Variants in SETX observed in about 807,000 individuals in gnomAD.
The protein encoded by SETX is senataxin.
A neutral mutation model predicts 227.2 loss-of-function variants in SETX; 90 were observed. That is an observed-to-expected ratio of 0.40 (90% CI 0.33 to 0.47). The LOEUF (loss-of-function observed/expected upper bound fraction) is 0.47. Among genes scored for constraint, SETX ranks in the 20% least tolerant of loss-of-function variants. SETX has a pLI of 0.91. For missense variants in SETX, 3,052 were observed against 3,181.5 expected (o/e 0.96, Z 0.98); for synonymous variants, 1,210 against 1,113.2 (o/e 1.09, Z -1.73).
chr9:132,325,354 CA>C lies in SETX; in HGVS notation c.5274+969del, dbSNP rs962844125. On this transcript the variant is annotated intron_variant, in intron 10 of 25. Coordinates refer to ENST00000224140, the MANE Select transcript of SETX (RefSeq NM_015046.7). ...CTGGGCGACAGAGCGAGACTCGTCT[CA>C]AAAAAAAGAAAAAAGAAAAAAGAAA... Among the ~76,000 whole-genome samples, 245 of 149,448 alleles carry C rather than the reference CA, an allele frequency of 1.6e-3. 1 individual carries two copies. Among genetic ancestry groups the C allele is most frequent in the African/African-American group, 5.6e-3 (227 of 40,666 alleles).
intron 25 of SETX, among the ~76,000 whole-genome samples, chr9:132,266,917 T>C (rs1321944126): frequency 2.0e-5 from 3 of 152,216 alleles, no homozygotes; most frequent in African/African-American, 7.2e-5. Context: ...TGACTATGGA[T>C]TGGGAAGTGA....
chr9:132,342,933 C>T (rs550856513), intron 4 of SETX, 134 bp from the exon 5 acceptor site: 3 of 698,130 alleles, frequency 4.3e-6, no homozygotes, highest in Non-Finnish European at 5.0e-6. Flanking sequence ...CATAAAAATG[C>T]TTATATTGTA....
intron 11 of SETX, among the ~76,000 whole-genome samples, chr9:132,307,801 C>A (rs1367313420): frequency 1.3e-5 from 2 of 151,982 alleles, no homozygotes; most frequent in Non-Finnish European, 2.9e-5. Flanking sequence ...GCCCCGGCCT[C>A]CCTAGTAGCT....
Position 132,328,159 on chromosome 9 carries a change from T to A in SETX, c.3439A>T (p.Ile1147Phe). 3 of 1,614,196 alleles carry A rather than the reference T, an allele frequency of 1.9e-6. No homozygotes were observed. Among genetic ancestry groups the A allele is most frequent in the Non-Finnish European group, 2.5e-6 (3 of 1,180,036 alleles). ...GIEEHTRPRS[I>F]SVEEFCEIEV... Reference sequence around the variant, plus strand: ...ATTTCACAAAATTCTTCAACAGAAATACTCCGTGGTCTTGTGTGTTCTTCA... The same window carrying A: ...ATTTCACAAAATTCTTCAACAGAAAAACTCCGTGGTCTTGTGTGTTCTTCA... Residue 1147 changes from isoleucine to phenylalanine, a missense_variant, in exon 10 of 26, where the codon ATT (isoleucine) becomes TTT (phenylalanine). By Grantham distance (21) the Ile-to-Phe change is conservative. Coordinates refer to ENST00000224140, the MANE Select transcript of SETX (RefSeq NM_015046.7).
At chr9:132,337,946 G>C (rs1249157467) in intron 5 of SETX, among the ~76,000 whole-genome samples, 1 of 152,176 alleles carries the variant, frequency 6.6e-6, no homozygotes, top group Non-Finnish European at 1.5e-5. Flanking sequence ...ATCACCATGA[G>C]TTGCAAAGGA....
In SETX at chr9:132,263,989, A is replaced by G; in HGVS notation, c.*250T>C. The G allele has an allele frequency of 1.8e-6, 1 of 558,446 alleles. No individual in the cohort carries two copies. The highest frequency in any genetic ancestry group is 3.2e-6 in the Non-Finnish European group (1 of 312,824). 34.6% of individuals were successfully genotyped at this position (558,446 alleles called of 1,614,324 possible). A position where few individuals can be genotyped will look rare whatever the true frequency, so the allele number is the denominator to read the frequency against. ...CTGACCTCCTTGTCTATAGAAGACT[A>G]AGAGATCAACATTTCCAGTCTCTGA... On this transcript the variant is annotated 3_prime_UTR_variant, in exon 26 of 26. Transcript: ENST00000224140.
At chr9:132,354,009 G>A (rs757649176) in intron 1 of SETX, among the ~76,000 whole-genome samples, 1 of 152,180 alleles carries the variant, frequency 6.6e-6, no homozygotes, top group Non-Finnish European at 1.5e-5. Context: ...ATTAGCCCGC[G>A]CAGGTAACAT....
At chr9:132,309,669 C>CAT (rs1216963198) in intron 11 of SETX, among the ~76,000 whole-genome samples, 1 of 151,806 alleles carries the variant, frequency 6.6e-6, no homozygotes, top group Non-Finnish European at 1.5e-5. Context: ...CACAAGACCC[C>CAT]ATCTCTATAT....
intron 10 of SETX, among the ~76,000 whole-genome samples, chr9:132,312,176 C>G (rs1194059279): frequency 6.6e-6 from 1 of 152,222 alleles, no homozygotes; most frequent in Non-Finnish European, 1.5e-5. Flanking sequence ...GCATTTCCAG[C>G]AGTGCATAAC....
rs530469492 is a variant in SETX at position 132,261,629 on chromosome 9, A to C, written c.*2610T>G. ...GTCAAAGCTATAGCAAAAAATTGCT[A>C]ATCTGCACAACTTTAAAAAATAGTT... On this transcript the variant is annotated 3_prime_UTR_variant, in exon 26 of 26. Transcript: ENST00000224140. 3.9e-5 allele frequency: 6 copies of C among 152,882 alleles called. No homozygotes were observed. Among genetic ancestry groups the C allele is most frequent in the African/African-American group, 9.6e-5 (4 of 41,470 alleles). The allele number at this position is 152,882 out of a possible 1,614,324, so 9.5% of individuals were successfully genotyped here.
At chr9:132,281,726 AC>A (rs1843525168) in intron 19 of SETX, 152 bp from the exon 20 acceptor site, 1 of 695,520 alleles carries the variant, frequency 1.4e-6, no homozygotes, top group South Asian at 1.6e-5. Context: ...AAACAAAAAA[AC>A]AAAACAAAAC....
Position 132,329,459 on chromosome 9 carries a change from C to T in SETX, c.2139G>A (p.Lys713=). ...DQIKISTRKQ[K]SVKEISSYTP... ...TATATGAAGAGATCTCTTTTACAGA[C>T]TTCTGCTTCCTTGTACTTATTTTAA... The change falls in exon 10 of 26, where the codon AAG becomes AAA. Residue 713 remains lysine, a synonymous_variant. Coordinates refer to ENST00000224140, the MANE Select transcript of SETX (RefSeq NM_015046.7). 1 of 1,612,684 alleles carries T rather than the reference C, an allele frequency of 6.2e-7. No individual in the cohort carries two copies. The highest frequency in any genetic ancestry group is 8.5e-7 in the Non-Finnish European group (1 of 1,179,870).
chr9:132,344,869 T>TAAA (rs10612492), intron 4 of SETX, among the ~76,000 whole-genome samples: 1 of 139,320 alleles, frequency 7.2e-6, no homozygotes. Context: ...TGAGACTCTT[T>TAAA]AAAAAAAAAA....
In SETX at chr9:132,301,082, A is replaced by T. The variant is rs113743500; in HGVS notation, c.5375-279T>A. Among the ~76,000 whole-genome samples, 233 of 140,216 alleles carry T rather than the reference A, an allele frequency of 1.7e-3. 2 individuals carry two copies. Among genetic ancestry groups the T allele is most frequent in the African/African-American group, 5.7e-3 (219 of 38,750 alleles). 92.0% of individuals were successfully genotyped at this position (140,216 alleles called of 152,430 possible). On this transcript the variant is annotated intron_variant, in intron 11 of 25. Transcript: ENST00000224140. Reference sequence around the variant, plus strand: ...AATAAATTTTCTTTCCTTTAGGTTTATTCTGCTTTTTTTTTTTTTTTTTTT... The same window carrying T: ...AATAAATTTTCTTTCCTTTAGGTTTTTTCTGCTTTTTTTTTTTTTTTTTTT...
In SETX at chr9:132,264,859, T is replaced by C; in HGVS notation, c.7414A>G (p.Ser2472Gly). ...ILKLKPVLQR[S>G]LTHPPTIAPE... The stretch of plus-strand genomic sequence containing the variant: ...GCTATGGTAGGAGGGTGAGTGAGAC[T>C]TCTCTGCAGCACAGGCTTGAGTTTC... Residue 2472 changes from serine to glycine, a missense_variant, in exon 26 of 26, where the codon AGT becomes GGT. Transcript: ENST00000224140. 2 of 1,614,184 alleles carry C rather than the reference T, an allele frequency of 1.2e-6. No homozygotes were observed. Among genetic ancestry groups the C allele is most frequent in the Non-Finnish European group, 1.7e-6 (2 of 1,180,014 alleles).
chr9:132,351,382 T>A (rs1848595106), intron 2 of SETX, among the ~76,000 whole-genome samples: 1 of 152,234 alleles, frequency 6.6e-6, no homozygotes. Flanking sequence ...TTGTGTACTT[T>A]AAAATAAGTA....
At chr9:132,282,018 C>CT (rs1843549444) in intron 19 of SETX, among the ~76,000 whole-genome samples, 2 of 74,864 alleles carry the variant, frequency 2.7e-5, no homozygotes, top group East Asian at 8.8e-4. Flanking sequence ...GACTCCGTCT[C>CT]TAAAAAAAAA....
intron 5 of SETX, among the ~76,000 whole-genome samples, chr9:132,341,617 C>T (rs1366389190): frequency 6.6e-6 from 1 of 152,346 alleles, no homozygotes; most frequent in Non-Finnish European, 1.5e-5. Context: ...CGCCCAGGCA[C>T]TGGTTACAAG....
intron 15 of SETX, among the ~76,000 whole-genome samples, chr9:132,290,163 T>C (rs1396826114): frequency 3.9e-5 from 6 of 152,042 alleles, no homozygotes; most frequent in Non-Finnish European, 7.4e-5. Context: ...AAGCCAAAGA[T>C]TGCACCACTG....
Sources: allele counts gnomAD v4.1 joint callset (sites outside exome capture counted in the v4.1 genomes callset), GRCh38; gene constraint gnomAD v4.1.1; transcripts MANE v1.5; gene names NCBI Gene and HGNC (gene_info 2026-07-23, HGNC 2026-07-21).